The following ATP9B variants were observed in gnomAD, a reference collection of about 807,000 sequenced individuals.
ATP9B encodes the protein probable phospholipid-transporting ATPase IIB.
ATP9B carries 110 observed loss-of-function variants against 146.1 expected under a neutral mutation model. The observed-to-expected ratio is 0.75, with a 90% CI of 0.65 to 0.88. The LOEUF (loss-of-function observed/expected upper bound fraction) is 0.88, where lower values mean the gene tolerates loss of function less well. Ranked by LOEUF, ATP9B falls within the 40% of genes least tolerant of loss-of-function variation. The probability of loss-of-function intolerance (pLI) is 0.00; values close to 1 mark genes in which losing one functional copy is unlikely to be tolerated. For missense variants in ATP9B, 1,499 were observed against 1,496.4 expected (o/e 1.00, Z -0.03); for synonymous variants, 604 against 569.7 (o/e 1.06, Z -0.86).
At chr18:79,132,572 GA>G (rs2094393690) in intron 5 of ATP9B, among the ~76,000 whole-genome samples, 1 of 152,176 alleles carries the variant, frequency 6.6e-6, no homozygotes, top group Admixed American at 6.5e-5. Flanking sequence ...TTCTGATACA[GA>G]TGTTTGATGA....
At chr18:79,173,206 G>A (rs997051843) in intron 7 of ATP9B, among the ~76,000 whole-genome samples, 1 of 152,228 alleles carries the variant, frequency 6.6e-6, no homozygotes, top group East Asian at 1.9e-4. Flanking sequence ...GATATTGAGA[G>A]TTCTTTATAT....
chr18:79,199,875 C>A (rs551079218), intron 9 of ATP9B, among the ~76,000 whole-genome samples: 248 of 152,246 alleles, frequency 1.6e-3, no homozygotes, highest in Non-Finnish European at 2.7e-3. Context: ...GCTGGAAGAT[C>A]TCCACGTGTA....
rs201479501 is a variant in ATP9B, at chr18:79,337,335, G to A, written c.2169G>A (p.Ala723=). The change falls in exon 19 of 30, where the codon GCG becomes GCA. Residue 723 remains alanine, a synonymous_variant. Transcript: ENST00000426216. ...ACGACAGGTCCCTCAAGGTGGCCGC[G>A]GTAGTCGAGAGCCTGGAGAGGGAGA... ...SMHDRSLKVA[A]VVESLEREME... The A allele has an allele frequency of 2.7e-5, 43 of 1,613,972 alleles. No individual in the cohort carries two copies. Among genetic ancestry groups the A allele is most frequent in the Non-Finnish European group, 3.3e-5 (39 of 1,180,044 alleles).
At chr18:79,219,791 T>A (rs1179325360) in intron 11 of ATP9B, among the ~76,000 whole-genome samples, 1 of 152,172 alleles carries the variant, frequency 6.6e-6, no homozygotes, top group East Asian at 1.9e-4. Flanking sequence ...GGTTAAAAAA[T>A]GCTTCAGTAA....
chr18:79,248,752 T>G (rs866862387), intron 11 of ATP9B, among the ~76,000 whole-genome samples: 5 of 152,252 alleles, frequency 3.3e-5, no homozygotes, highest in African/African-American at 1.2e-4. Flanking sequence ...TTAAATTGGC[T>G]ATTTGAAGTT....
At chr18:79,259,073 T>C (rs924080812) in intron 12 of ATP9B, among the ~76,000 whole-genome samples, 1 of 152,242 alleles carries the variant, frequency 6.6e-6, no homozygotes, top group African/African-American at 2.4e-5. Context: ...AAAAGGCTTT[T>C]CAAATTTAAG....
intron 28 of ATP9B, 46 bp from the exon 29 acceptor site, chr18:79,375,348 C>T (rs1236544373): frequency 1.3e-6 from 2 of 1,512,996 alleles, no homozygotes; most frequent in East Asian, 2.3e-5. Flanking sequence ...ATCCTGGTAT[C>T]TCCTTTAATC....
intron 5 of ATP9B, among the ~76,000 whole-genome samples, chr18:79,129,427 C>T (rs1195618738): frequency 6.6e-6 from 1 of 152,158 alleles, no homozygotes; most frequent in Non-Finnish European, 1.5e-5. Context: ...CTGGCTAAAT[C>T]TTCAGTGAGG....
intron 15 of ATP9B, 62 bp downstream of exon 15, chr18:79,307,296 G>A (rs1291115758): frequency 1.1e-5 from 17 of 1,601,236 alleles, no homozygotes; most frequent in Non-Finnish European, 1.5e-5. Flanking sequence ...GAGTCATGAG[G>A]ATTCATTCTT....
At chr18:79,126,536 A>G (rs1169393834) in intron 5 of ATP9B, among the ~76,000 whole-genome samples, 161 bp downstream of exon 5, 2 of 152,178 alleles carry the variant, frequency 1.3e-5, no homozygotes, top group African/African-American at 4.8e-5. Context: ...GTATAATGCA[A>G]TTTTAGGGTA....
At chr18:79,260,010 G>C (rs944492025) in intron 12 of ATP9B, among the ~76,000 whole-genome samples, 4 of 152,170 alleles carry the variant, frequency 2.6e-5, no homozygotes, top group African/African-American at 9.7e-5. Context: ...CTAATATTGG[G>C]AGATTCACTG....
chr18:79,373,896 A>C lies in ATP9B; in HGVS notation c.3071-2A>C. The stretch of plus-strand genomic sequence containing the variant: ...ATGGAAAAAGCTCCTGCTGTTTTTC[A>C]GGCGGCATCCTCATGTATGGGGCCC... On this transcript the variant is annotated splice_acceptor_variant, in intron 27 of 29. Transcript: ENST00000426216. LOFTEE classifies it high-confidence loss of function. 6.2e-7 allele frequency: 1 copy of C among 1,612,578 alleles called. No individual in the cohort carries two copies. Among genetic ancestry groups the C allele is most frequent in the Non-Finnish European group, 8.5e-7 (1 of 1,180,028 alleles).
intron 15 of ATP9B, among the ~76,000 whole-genome samples, chr18:79,322,141 T>A (rs1352356800): frequency 6.6e-6 from 1 of 152,136 alleles, no homozygotes; most frequent in Non-Finnish European, 1.5e-5. Flanking sequence ...GCTGATGCCC[T>A]GAATTACAGG....
chr18:79,197,036 T>C (rs1338670625), intron 9 of ATP9B, among the ~76,000 whole-genome samples: 1 of 152,218 alleles, frequency 6.6e-6, no homozygotes, highest in East Asian at 1.9e-4. Flanking sequence ...TAATTTTTAT[T>C]TGAGCATATA....
rs116329567 is a variant in ATP9B, at chr18:79,095,370, T to A, written c.120-1106T>A. 4.9e-3 allele frequency among the ~76,000 whole-genome samples: 743 copies of A among 152,240 alleles called. 5 individuals are homozygous for A. The highest frequency in any genetic ancestry group is 0.025 in the South Asian group (119 of 4,816). On this transcript the variant is annotated intron_variant, in intron 1 of 29. Transcript: ENST00000426216. Reference sequence around the variant, plus strand: ...CCCTTAGACTCTTTCTGGGTATAATTTTCATCCATGGTCTGCCGTTGCTAG... The same window carrying A: ...CCCTTAGACTCTTTCTGGGTATAATATTCATCCATGGTCTGCCGTTGCTAG...
intron 1 of ATP9B, among the ~76,000 whole-genome samples, chr18:79,074,728 G>C (rs1045859591): frequency 6.6e-6 from 1 of 152,232 alleles, no homozygotes; most frequent in Admixed American, 6.5e-5. Flanking sequence ...CCTTCTTCCA[G>C]AACTCTCCTT....
chr18:79,096,504 T>G lies in ATP9B; in HGVS notation c.148T>G (p.Leu50Val). ...RYQLEDESAH[L>V]DEMPLMMSEE... is the part of the protein sequence containing the mutation. Reference sequence around the variant, plus strand: ...CCAGCTGGAGGATGAGTCTGCGCATTTGGATGAAATGCCACTAATGATGTC... The same window carrying G: ...CCAGCTGGAGGATGAGTCTGCGCATGTGGATGAAATGCCACTAATGATGTC... Residue 50 changes from leucine (L) to valine (V), a missense_variant, in exon 2 of 30, where the codon TTG becomes GTG. Physicochemically the swap from Leu to Val is conservative, Grantham distance 32 (BLOSUM62 1). Coordinates refer to ENST00000426216, the MANE Select transcript of ATP9B (RefSeq NM_198531.5). 6.2e-7 allele frequency: 1 copy of G among 1,614,070 alleles called. No individual in the cohort carries two copies. The highest frequency in any genetic ancestry group is 8.5e-7 in the Non-Finnish European group (1 of 1,179,988).
At chr18:79,368,044 T>C (rs114122806) in intron 26 of ATP9B, among the ~76,000 whole-genome samples, 3,379 of 152,208 alleles carry the variant, frequency 0.022, 133 homozygotes, top group African/African-American at 0.076. Context: ...TGTGTCTCCA[T>C]GGAGTGTCGC....
rs1319328156 is a variant in ATP9B at position 79,297,967 on chromosome 18, C to T, written c.1412-5637C>T. Among the ~76,000 whole-genome samples, 3 of 146,832 alleles carry T rather than the reference C, an allele frequency of 2.0e-5. 1 individual carries two copies. Among genetic ancestry groups the T allele is most frequent in the African/African-American group, 7.5e-5 (3 of 39,878 alleles). ...TCGGAAAACAAGGATTAGAGGGGAA[C>T]ATCCTCAGGTTGCTGAAGAGAATCT... is the stretch of plus-strand genomic sequence containing the variant. On this transcript the variant is annotated intron_variant, in intron 13 of 29. Coordinates refer to ENST00000426216, the MANE Select transcript of ATP9B (RefSeq NM_198531.5).
Sources: allele counts gnomAD v4.1 joint callset (sites outside exome capture counted in the v4.1 genomes callset), GRCh38; gene constraint gnomAD v4.1.1; transcripts MANE v1.5; gene names NCBI Gene and HGNC (gene_info 2026-07-23, HGNC 2026-07-21).